The following ATG14 variants were observed in gnomAD, a reference collection of about 807,000 sequenced individuals.
ATG14 encodes autophagy related 14.
Under a neutral mutation model 60.4 loss-of-function variants are expected in ATG14, and 35 were observed. That is an observed-to-expected ratio of 0.58 (90% confidence interval 0.44 to 0.77). ATG14 has a LOEUF of 0.77. Ranked by LOEUF, ATG14 falls within the 30% of genes least tolerant of loss-of-function variation. The pLI is 0.00. For missense variants in ATG14, 647 were observed against 626.3 expected (o/e 1.03, Z -0.35); for synonymous variants, 234 against 228.8 (o/e 1.02, Z -0.21).
chr14:55,411,655 G>A lies in ATG14; in HGVS notation c.168C>T (p.Ala56=). 1 of 1,613,522 alleles carries A rather than the reference G, an allele frequency of 6.2e-7. No homozygotes were observed. Among genetic ancestry groups the A allele is most frequent in the African/African-American group, 1.3e-5 (1 of 75,070 alleles). The change falls in exon 1 of 10, where the codon GCC becomes GCT. Residue 56 remains alanine, a synonymous_variant. Transcript: ENST00000247178. ...CGAAATCGCCGCTCTGAACGCATTTGGCGCAGGTCAGCCGCCGGCGGGTAG... is the reference window on the plus strand; with the variant it reads ...CGAAATCGCCGCTCTGAACGCATTTAGCGCAGGTCAGCCGCCGGCGGGTAG... ...CNTTRRRLTC[A]KCVQSGDFVY...
intron 9 of ATG14, among the ~76,000 whole-genome samples, chr14:55,373,465 A>AT (rs969224301): frequency 2.0e-5 from 3 of 151,896 alleles, no homozygotes; most frequent in South Asian, 2.1e-4. Flanking sequence ...TTTATTACTT[A>AT]TTTTTTTATT....
intron 6 of ATG14, 60 bp downstream of exon 6, chr14:55,381,902 T>C (rs1885039597): frequency 6.9e-7 from 1 of 1,442,424 alleles, no homozygotes; most frequent in African/African-American, 1.4e-5. Context: ...CATTTTGTTA[T>C]GTCAATTTTA....
chr14:55,376,702 C>A (rs1051318278), intron 9 of ATG14, among the ~76,000 whole-genome samples: 1 of 152,088 alleles, frequency 6.6e-6, no homozygotes, highest in African/African-American at 2.4e-5. Context: ...ATGGATGATG[C>A]GGAAGGGAAA....
rs1488202726 is a variant in ATG14 at position 55,377,820 on chromosome 14, T to G, written c.1171A>C (p.Arg391=). 6.4e-7 allele frequency: 1 copy of G among 1,570,246 alleles called. No homozygotes were observed. Among genetic ancestry groups the G allele is most frequent in the Non-Finnish European group, 8.6e-7 (1 of 1,161,748 alleles). Residue 391 remains arginine, a splice_region_variant and synonymous_variant, in exon 9 of 10, where the codon AGG becomes CGG. Coordinates refer to ENST00000247178, the MANE Select transcript of ATG14 (RefSeq NM_014924.5). ...LVSPSSEHLG[R]SGPFEVRADL... ...GAAAAGCAACAAATATCTTCTTACC[T>G]GCCTAGGTGTTCAGAGCTTGGACTG...
chr14:55,369,963 C>A (rs757669935), intron 9 of ATG14, 38 bp from the exon 10 acceptor site: 1 of 1,530,788 alleles, frequency 6.5e-7, no homozygotes, highest in East Asian at 2.3e-5. Flanking sequence ...AGGATAACAA[C>A]CATTCTCAAC....
chr14:55,409,584 G>A (rs138999007), intron 1 of ATG14, among the ~76,000 whole-genome samples: 23 of 152,106 alleles, frequency 1.5e-4, no homozygotes, highest in African/African-American at 3.9e-4. Context: ...AAAGGAGGCA[G>A]CCCTGAAGAT....
chr14:55,383,598 C>A (rs868424433), intron 5 of ATG14, among the ~76,000 whole-genome samples: 4 of 150,942 alleles, frequency 2.7e-5, no homozygotes, highest in African/African-American at 4.9e-5. Flanking sequence ...CAAAAAAAAC[C>A]CCCAAGAACA....
intron 9 of ATG14, among the ~76,000 whole-genome samples, chr14:55,373,886 G>C (rs1221110589): frequency 6.6e-6 from 1 of 151,954 alleles, no homozygotes; most frequent in East Asian, 1.9e-4. Context: ...ATCCCACCCA[G>C]GTTCCATGAA....
chr14:55,375,490 A>AATTTTTTTTTTTTTTTTTTTTTTTTTT (rs1555341540), intron 9 of ATG14, among the ~76,000 whole-genome samples: 1 of 117,798 alleles, frequency 8.5e-6, no homozygotes, highest in African/African-American at 3.4e-5. Flanking sequence ...GCCGGGCTAA[A>AATTTTTTTTTTTTTTTTTTTTTTTTTT]TTTTTTTTTT....
At chr14:55,395,750 T>G (rs887738846) in intron 3 of ATG14, among the ~76,000 whole-genome samples, 190 bp downstream of exon 3, 2 of 152,206 alleles carry the variant, frequency 1.3e-5, no homozygotes, top group African/African-American at 2.4e-5. Context: ...TTACAATGGC[T>G]CCATAATTAA....
Position 55,397,385 on chromosome 14 carries a change from C to T in ATG14, c.271G>A (p.Glu91Lys). The T allele has an allele frequency of 6.2e-7, 1 of 1,613,484 alleles. No homozygotes were observed. The highest frequency in any genetic ancestry group is 8.5e-7 in the Non-Finnish European group (1 of 1,179,520). ...RLSRLKSKQE[E>K]FQKEVLKAME... ...CAAAACACTCACTCTTTCTGAAATTCTTCTTGCTTGCTCTTAAGTCGGCTT... is the reference window on the plus strand; with the variant it reads ...CAAAACACTCACTCTTTCTGAAATTTTTCTTGCTTGCTCTTAAGTCGGCTT... Residue 91 changes from glutamate to lysine, a missense_variant, in exon 2 of 10, where the codon GAA becomes AAA. Transcript: ENST00000247178.
At chr14:55,394,815 G>A in intron 3 of ATG14, 1 of 295,160 alleles carries the variant, frequency 3.4e-6, no homozygotes, top group Non-Finnish European at 6.6e-6. Flanking sequence ...GGTATTATAG[G>A]ATATAAAAAC....
chr14:55,393,227 C>A (rs547167961), intron 3 of ATG14, among the ~76,000 whole-genome samples: 42 of 149,276 alleles, frequency 2.8e-4, no homozygotes, highest in African/African-American at 9.5e-4. Context: ...TAAAAAAACA[C>A]AAAAAAACTT....
chr14:55,408,534 G>A (rs1367896422), intron 1 of ATG14, among the ~76,000 whole-genome samples: 1 of 152,134 alleles, frequency 6.6e-6, no homozygotes, highest in African/African-American at 2.4e-5. Flanking sequence ...CACTTTGGGA[G>A]GCTGAGGCAG....
chr14:55,384,038 G>T (rs1170525690), intron 5 of ATG14, among the ~76,000 whole-genome samples: 1 of 152,180 alleles, frequency 6.6e-6, no homozygotes, highest in Non-Finnish European at 1.5e-5. Context: ...AGCTGCTACT[G>T]CCTGCCACAG....
intron 1 of ATG14, among the ~76,000 whole-genome samples, chr14:55,400,101 G>A (rs1885373220): frequency 6.6e-6 from 1 of 152,192 alleles, no homozygotes; most frequent in Admixed American, 6.5e-5. Flanking sequence ...TGTCAGTAAA[G>A]CAAAAGAGCA....
intron 9 of ATG14, among the ~76,000 whole-genome samples, chr14:55,371,191 G>A (rs1381831605): frequency 2.6e-5 from 4 of 152,292 alleles, no homozygotes; most frequent in South Asian, 4.1e-4. Context: ...AGGAGAGGTC[G>A]AAATAAATAG....
In ATG14 at chr14:55,369,906, G is replaced by T; in HGVS notation, c.1192C>A (p.Arg398=). 5.6e-6 allele frequency: 9 copies of T among 1,611,308 alleles called. No homozygotes were observed. Among genetic ancestry groups the T allele is most frequent in the Non-Finnish European group, 6.8e-6 (8 of 1,178,214 alleles). ...HLGRSGPFEV[R]ADLEESMEFV... is the part of the protein sequence containing the mutation. ...TCCATGGACTCCTCAAGGTCTGCTC[G>T]TACTTCAAAGGGCCCTGACCTGTGT... The change falls in exon 10 of 10, where the codon CGA becomes AGA. Residue 398 remains arginine, a synonymous_variant. Transcript: ENST00000247178.
chr14:55,375,490 A>AATTTTTTTTTTTTTTTTTTTTTTTTTTT (rs1555341540), intron 9 of ATG14, among the ~76,000 whole-genome samples: 3 of 117,798 alleles, frequency 2.5e-5, no homozygotes, highest in Non-Finnish European at 5.0e-5. Flanking sequence ...GCCGGGCTAA[A>AATTTTTTTTTTTTTTTTTTTTTTTTTTT]TTTTTTTTTT....
Sources: allele counts gnomAD v4.1 joint callset (sites outside exome capture counted in the v4.1 genomes callset), GRCh38; gene constraint gnomAD v4.1.1; transcripts MANE v1.5; gene names NCBI Gene and HGNC (gene_info 2026-07-23, HGNC 2026-07-21).